C10orf67: variants seen among roughly 807,000 people sequenced by gnomAD.
The protein encoded by C10orf67 is chromosome 10 open reading frame 67.
C10orf67 carries 60 observed loss-of-function variants against 35.6 expected under a neutral mutation model. The observed-to-expected ratio is 1.68, with a 90% CI of 1.37 to 2.09. C10orf67 has a LOEUF of 2.09. Among genes scored for constraint, C10orf67 ranks in the 30% most tolerant of loss-of-function variants. The pLI is 0.00. For missense variants in C10orf67, 474 were observed against 330.2 expected (o/e 1.44, Z -3.38); for synonymous variants, 167 against 115.8 (o/e 1.44, Z -2.84).
At chr10:23,300,438 A>G (rs1844037327) in intron 5 of C10orf67, among the ~76,000 whole-genome samples, 1 of 152,058 alleles carries the variant, frequency 6.6e-6, no homozygotes, top group South Asian at 2.1e-4. Flanking sequence ...TAAAAAACCG[A>G]GGTTGCCAAG....
At chr10:23,272,164 G>A (rs1182689834) in intron 8 of C10orf67, among the ~76,000 whole-genome samples, 1 of 152,200 alleles carries the variant, frequency 6.6e-6, no homozygotes, top group Non-Finnish European at 1.5e-5. Context: ...CAATCCATCA[G>A]CCTTGGCCTC....
At chr10:23,288,136 T>C (rs1843602723) in intron 7 of C10orf67, among the ~76,000 whole-genome samples, 1 of 152,222 alleles carries the variant, frequency 6.6e-6, no homozygotes, top group African/African-American at 2.4e-5. Context: ...CTCAAAGGAA[T>C]GTAAATCATT....
intron 10 of C10orf67, 30 bp downstream of exon 10, chr10:23,266,232 A>G (rs1842880587): frequency 2.5e-6 from 1 of 398,532 alleles, no homozygotes; most frequent in African/African-American, 2.1e-5. Flanking sequence ...AGGAAGGTGG[A>G]CAGGGTGTGG....
intron 4 of C10orf67, among the ~76,000 whole-genome samples, chr10:23,306,974 C>T (rs1485682850): frequency 6.6e-6 from 1 of 152,112 alleles, no homozygotes; most frequent in African/African-American, 2.4e-5. Context: ...GAAGGGAAGA[C>T]AGTAAAAATT....
chr10:23,344,282 A>C (rs2132433303), intron 1 of C10orf67: 3 of 394,624 alleles, frequency 7.6e-6, no homozygotes. Flanking sequence ...AAGAGGGGGA[A>C]GGAGTGGGGG....
chr10:23,280,426 A>AT (rs1454637987), intron 8 of C10orf67, among the ~76,000 whole-genome samples: 1 of 152,210 alleles, frequency 6.6e-6, no homozygotes, highest in Admixed American at 6.5e-5. Flanking sequence ...AGCAACAACA[A>AT]GGCCAGGCTG....
intron 15 of C10orf67, among the ~76,000 whole-genome samples, chr10:23,212,837 A>C (rs531375703): frequency 6.8e-6 from 1 of 146,932 alleles, no homozygotes; most frequent in Non-Finnish European, 1.5e-5. Flanking sequence ...TAAGCATGCA[A>C]ACCTAAGTTC....
chr10:23,327,217 A>T (rs1397039770), intron 2 of C10orf67, among the ~76,000 whole-genome samples: 2 of 152,122 alleles, frequency 1.3e-5, no homozygotes, highest in Non-Finnish European at 2.9e-5. Context: ...GAAAAATAAG[A>T]TAAAGAGAAA....
At chr10:23,285,967 A>T (rs910171278) in intron 7 of C10orf67, among the ~76,000 whole-genome samples, 2 of 152,256 alleles carry the variant, frequency 1.3e-5, no homozygotes, top group Admixed American at 1.3e-4. Context: ...CCAGCCATCA[A>T]CTGGTGGCTT....
chr10:23,214,223 A>G (rs1368702421), intron 15 of C10orf67, among the ~76,000 whole-genome samples: 1 of 152,140 alleles, frequency 6.6e-6, no homozygotes, highest in Non-Finnish European at 1.5e-5. Context: ...TCATAGAGAG[A>G]TATTTTTATA....
At chr10:23,330,368 T>A (rs2132378023) in intron 2 of C10orf67, among the ~76,000 whole-genome samples, 1 of 151,014 alleles carries the variant, frequency 6.6e-6, no homozygotes, top group Non-Finnish European at 1.5e-5. Context: ...TAGGCTGAGG[T>A]GGGAGGATCA....
chr10:23,329,341 T>G (rs1466639960), intron 2 of C10orf67, among the ~76,000 whole-genome samples: 1 of 151,900 alleles, frequency 6.6e-6, no homozygotes, highest in Non-Finnish European at 1.5e-5. Flanking sequence ...AAATAAATAC[T>G]TTAATAGAAA....
chr10:23,204,393 C>T, intron 15 of C10orf67, 138 bp from the exon 16 acceptor site: 1 of 403,698 alleles, frequency 2.5e-6, no homozygotes, highest in African/African-American at 2.1e-5. Flanking sequence ...CTGAGAGCCT[C>T]TTCAGGAACC....
chr10:23,219,738 A>G (rs1354036271), intron 15 of C10orf67, among the ~76,000 whole-genome samples: 1 of 152,224 alleles, frequency 6.6e-6, no homozygotes, highest in Non-Finnish European at 1.5e-5. Flanking sequence ...TAGGAAGGAC[A>G]TATCACCTGA....
In C10orf67 at chr10:23,320,775, G is replaced by C; in HGVS notation, c.512C>G (p.Ala171Gly). The change falls in exon 4 of 16, where the codon GCT (alanine) becomes GGT (glycine). Residue 171 changes from alanine (A) to glycine (G), a missense_variant. Coordinates refer to ENST00000636213, the MANE Select transcript of C10orf67 (RefSeq NM_001371909.1). ...KMRKSFNQQL[A>G]DAIAVIKGMY... is the part of the protein sequence containing the mutation. The stretch of plus-strand genomic sequence containing the variant: ...TCCTTTGATAACAGCTATGGCATCA[G>C]CTAACTGCTGATTGAAGGATTTTCT... 3 of 1,592,890 alleles carry C rather than the reference G, an allele frequency of 1.9e-6. No individual in the cohort carries two copies. The highest frequency in any genetic ancestry group is 2.3e-5 in the South Asian group (2 of 86,836).
At chr10:23,326,572 G>A (rs1185131910) in intron 2 of C10orf67, among the ~76,000 whole-genome samples, 2 of 152,098 alleles carry the variant, frequency 1.3e-5, no homozygotes, top group African/African-American at 4.8e-5. Flanking sequence ...AAAGGAAATT[G>A]TAAATATCTA....
chr10:23,310,278 A>T (rs888296213), intron 4 of C10orf67, among the ~76,000 whole-genome samples: 4 of 152,214 alleles, frequency 2.6e-5, no homozygotes, highest in Non-Finnish European at 5.9e-5. Flanking sequence ...AAAAAATTCT[A>T]GTCTAGCCAA....
intron 15 of C10orf67, among the ~76,000 whole-genome samples, chr10:23,215,513 C>T (rs1841408558): frequency 6.6e-6 from 1 of 152,022 alleles, no homozygotes; most frequent in Non-Finnish European, 1.5e-5. Flanking sequence ...AGGCTGGTCT[C>T]AAACTCCTGA....
At chr10:23,225,490 T>A (rs1303173361) in intron 13 of C10orf67, among the ~76,000 whole-genome samples, 1 of 152,126 alleles carries the variant, frequency 6.6e-6, no homozygotes, top group Non-Finnish European at 1.5e-5. Context: ...GCTAACATCA[T>A]AATGACAGGA....
Sources: gnomAD v4.1 joint callset for allele counts (sites outside exome capture counted in the v4.1 genomes callset) on GRCh38, gnomAD v4.1.1 for gene constraint, MANE v1.5 for transcripts, NCBI Gene and HGNC (gene_info 2026-07-23, HGNC 2026-07-21) for gene names.